The following TRPC4 variants were observed in gnomAD, a reference collection of about 807,000 sequenced individuals.
TRPC4 encodes short transient receptor potential channel 4.
TRPC4 carries 49 observed loss-of-function variants against 99.4 expected under a neutral mutation model. The ratio of observed to expected loss-of-function variants is 0.49; its 90% CI spans 0.39 to 0.63. The LOEUF (loss-of-function observed/expected upper bound fraction) is 0.63. TRPC4 is among the 20% of genes least tolerant of loss of function. TRPC4 has a pLI of 0.00. For synonymous variants in TRPC4, 454 were observed against 425.9 expected, an observed-to-expected ratio of 1.07 and a Z score of -0.81; for missense variants, 898 against 1,152.9, an observed-to-expected ratio of 0.78 and a Z score of 3.20.
At chr13:37,788,443 T>C (rs532977836) in intron 1 of TRPC4, among the ~76,000 whole-genome samples, 12 of 152,290 alleles carry the variant, frequency 7.9e-5, no homozygotes, top group South Asian at 4.1e-4. Context: ...AAATTTTATT[T>C]TTCTTAATCA....
At chr13:37,721,238 T>A (rs1954858093) in intron 3 of TRPC4, among the ~76,000 whole-genome samples, 1 of 152,180 alleles carries the variant, frequency 6.6e-6, no homozygotes, top group African/African-American at 2.4e-5. Flanking sequence ...CCTTCAATAA[T>A]GTCTTGGAAA....
In TRPC4 at chr13:37,637,029, C is replaced by T. The variant is rs373682167; in HGVS notation, c.2808G>A (p.Val936=). The change falls in exon 11 of 11, where the codon GTG becomes GTA. Residue 936 remains valine, a synonymous_variant. Transcript: ENST00000379705. ...RVCPFKSEKV[V]VEDTVPIIPK... ...GTATTATAGGAACCGTGTCCTCCAC[C>T]ACCACCTTCTCTGACTTGAATGGAC... The T allele has an allele frequency of 1.2e-4, 193 of 1,613,772 alleles. No homozygotes were observed. The highest frequency in any genetic ancestry group is 5.7e-4 in the Admixed American group (34 of 59,964).
intron 3 of TRPC4, among the ~76,000 whole-genome samples, chr13:37,710,266 T>C (rs1954436343): frequency 6.6e-6 from 1 of 151,890 alleles, no homozygotes. Flanking sequence ...TAATCAATGA[T>C]CCCCGGCTTA....
At chr13:37,763,297 C>T (rs377754284) in intron 2 of TRPC4, among the ~76,000 whole-genome samples, 12 of 151,398 alleles carry the variant, frequency 7.9e-5, no homozygotes, top group East Asian at 5.9e-4. Flanking sequence ...GTGTGAAATC[C>T]GGAAGTACTA....
intron 1 of TRPC4, among the ~76,000 whole-genome samples, chr13:37,850,691 A>G (rs908271734): frequency 3.3e-5 from 5 of 152,190 alleles, no homozygotes; most frequent in African/African-American, 9.7e-5. Flanking sequence ...GTGAATTAAC[A>G]CTCCTTCTGA....
intron 1 of TRPC4, among the ~76,000 whole-genome samples, chr13:37,819,181 G>T (rs1016839285): frequency 2.6e-5 from 4 of 151,972 alleles, no homozygotes; most frequent in African/African-American, 9.7e-5. Context: ...AAAAATTACA[G>T]ATGCTGGTGA....
intron 3 of TRPC4, among the ~76,000 whole-genome samples, chr13:37,702,410 A>T (rs1389992357): frequency 6.6e-6 from 1 of 152,202 alleles, no homozygotes; most frequent in Non-Finnish European, 1.5e-5. Flanking sequence ...TTGACTCTAT[A>T]GTTTACATAA....
At chr13:37,672,893 G>A (rs1053489058) in intron 5 of TRPC4, among the ~76,000 whole-genome samples, 2 of 151,938 alleles carry the variant, frequency 1.3e-5, no homozygotes, top group Non-Finnish European at 2.9e-5. Flanking sequence ...CTAGTATTTC[G>A]GTGAGCACTG....
At chr13:37,666,984 T>C (rs1258517280) in intron 5 of TRPC4, among the ~76,000 whole-genome samples, 1 of 152,208 alleles carries the variant, frequency 6.6e-6, no homozygotes, top group Non-Finnish European at 1.5e-5. Flanking sequence ...ACTTTTCCAC[T>C]GGGATGTCTC....
intron 7 of TRPC4, among the ~76,000 whole-genome samples, chr13:37,654,151 C>CTAAG (rs1952143271): frequency 6.6e-6 from 1 of 151,844 alleles, no homozygotes; most frequent in Non-Finnish European, 1.5e-5. Context: ...AATTGCCTCC[C>CTAAG]TAAGGATGGT....
chr13:37,863,034 TG>T (rs1290487662), intron 1 of TRPC4, among the ~76,000 whole-genome samples: 11 of 151,608 alleles, frequency 7.3e-5, no homozygotes, highest in Admixed American at 7.2e-4. Context: ...TACAGTAGCA[TG>T]CTACACAGGT....
chr13:37,645,394 T>C (rs1951838148), intron 8 of TRPC4, among the ~76,000 whole-genome samples: 1 of 152,176 alleles, frequency 6.6e-6, no homozygotes, highest in African/African-American at 2.4e-5. Flanking sequence ...ATTTTGTCAC[T>C]CTTATCTCCG....
At chr13:37,724,727 T>C (rs1266032993) in intron 3 of TRPC4, among the ~76,000 whole-genome samples, 1 of 152,198 alleles carries the variant, frequency 6.6e-6, no homozygotes. Context: ...CTTTCACATC[T>C]TTTTGGCAAG....
chr13:37,770,055 C>T (rs1956504780), intron 2 of TRPC4, among the ~76,000 whole-genome samples: 2 of 151,554 alleles, frequency 1.3e-5, no homozygotes, highest in South Asian at 4.1e-4. Flanking sequence ...TCATTTTCAA[C>T]CCTGAAATAT....
chr13:37,707,810 G>C (rs533626943), intron 3 of TRPC4, among the ~76,000 whole-genome samples: 1 of 152,114 alleles, frequency 6.6e-6, no homozygotes, highest in Non-Finnish European at 1.5e-5. Flanking sequence ...GTGTGATTAG[G>C]AGATGAAAGA....
chr13:37,768,744 A>G (rs966963324), intron 2 of TRPC4, among the ~76,000 whole-genome samples: 2 of 151,130 alleles, frequency 1.3e-5, no homozygotes, highest in Non-Finnish European at 3.0e-5. Flanking sequence ...AAAAAAAATT[A>G]GGGACTGATT....
At chr13:37,737,575 G>T (rs1955439348) in intron 3 of TRPC4, among the ~76,000 whole-genome samples, 1 of 152,030 alleles carries the variant, frequency 6.6e-6, no homozygotes, top group Non-Finnish European at 1.5e-5. Flanking sequence ...CTGGCTTCAG[G>T]TGACCCTCCC....
chr13:37,753,247 A>G (rs909213602), intron 2 of TRPC4, among the ~76,000 whole-genome samples: 6 of 152,122 alleles, frequency 3.9e-5, no homozygotes, highest in African/African-American at 1.2e-4. Flanking sequence ...AGAGTATAGT[A>G]TAAGTCAAGA....
At chr13:37,687,267 G>C (rs541643720) in intron 4 of TRPC4, among the ~76,000 whole-genome samples, 3 of 152,158 alleles carry the variant, frequency 2.0e-5, no homozygotes, top group South Asian at 4.2e-4. Flanking sequence ...CCAGCCCAAA[G>C]TTCTACTTCT....
Sources: allele counts gnomAD v4.1 joint callset (sites outside exome capture counted in the v4.1 genomes callset), GRCh38; gene constraint gnomAD v4.1.1; transcripts MANE v1.5; gene names NCBI Gene and HGNC (gene_info 2026-07-23, HGNC 2026-07-21).